Variants in CAMTA1 observed in about 807,000 individuals in gnomAD.
CAMTA1 encodes the protein calmodulin-binding transcription activator 1.
In CAMTA1, 27 loss-of-function variants were observed where a neutral mutation model predicts 170.9. That is an observed-to-expected ratio of 0.16 (90% CI 0.12 to 0.22). The LOEUF is 0.22. Ranked by LOEUF, CAMTA1 falls within the 10% of genes least tolerant of loss-of-function variation. The probability of loss-of-function intolerance (pLI) is 1.00; values close to 1 mark genes in which losing one functional copy is unlikely to be tolerated. For synonymous variants in CAMTA1, 833 were observed against 891.5 expected, an observed-to-expected ratio of 0.93 and a Z score of 1.17; for missense variants, 1,619 against 2,217.2, an observed-to-expected ratio of 0.73 and a Z score of 5.42.
At chr1:6,927,072 T>C (rs1398343826) in intron 3 of CAMTA1, among the ~76,000 whole-genome samples, 1 of 151,994 alleles carries the variant, frequency 6.6e-6, no homozygotes, top group African/African-American at 2.4e-5. Flanking sequence ...TTTTTATTTT[T>C]AGAGTGCAGT....
At chr1:7,172,956 G>A (rs1414631729) in intron 4 of CAMTA1, among the ~76,000 whole-genome samples, 1 of 152,214 alleles carries the variant, frequency 6.6e-6, no homozygotes, top group Non-Finnish European at 1.5e-5. Context: ...TAGACTCTCG[G>A]AGCTAAAATT....
At chr1:7,101,684 C>T (rs1642723039) in intron 4 of CAMTA1, among the ~76,000 whole-genome samples, 1 of 152,006 alleles carries the variant, frequency 6.6e-6, no homozygotes. Flanking sequence ...CACATGTAGA[C>T]ACATATGTGC....
intron 3 of CAMTA1, among the ~76,000 whole-genome samples, chr1:7,009,341 G>A (rs769396527): frequency 5.3e-5 from 8 of 152,182 alleles, no homozygotes; most frequent in African/African-American, 1.7e-4. Context: ...AGGCGGCATC[G>A]TGGGTGGGAA....
At chr1:6,914,873 A>G (rs901244143) in intron 3 of CAMTA1, among the ~76,000 whole-genome samples, 1 of 152,052 alleles carries the variant, frequency 6.6e-6, no homozygotes, top group Non-Finnish European at 1.5e-5. Flanking sequence ...TTTTAATCTT[A>G]ATTTATGAGC....
chr1:7,545,904 T>C (rs1278704955), intron 6 of CAMTA1, among the ~76,000 whole-genome samples: 1 of 151,906 alleles, frequency 6.6e-6, no homozygotes, highest in Admixed American at 6.6e-5. Flanking sequence ...GTTCTCATTG[T>C]TCAGCTCCCA....
chr1:7,339,487 C>T (rs2083634211), intron 5 of CAMTA1, among the ~76,000 whole-genome samples: 1 of 152,200 alleles, frequency 6.6e-6, no homozygotes, highest in Non-Finnish European at 1.5e-5. Context: ...AGGCATGTCT[C>T]CTTCTAAGCC....
intron 5 of CAMTA1, among the ~76,000 whole-genome samples, chr1:7,322,614 T>C (rs1334335253): frequency 6.6e-6 from 1 of 152,272 alleles, no homozygotes; most frequent in African/African-American, 2.4e-5. Context: ...CTGTTTCTTT[T>C]TGAGTCACAC....
At chr1:6,858,861 TG>T in intron 3 of CAMTA1, among the ~76,000 whole-genome samples, 1 of 152,270 alleles carries the variant, frequency 6.6e-6, no homozygotes, top group Non-Finnish European at 1.5e-5. Flanking sequence ...AAAAATAATA[TG>T]GATGTTTTAA....
chr1:7,598,685 C>A (rs1463036358), intron 6 of CAMTA1, among the ~76,000 whole-genome samples: 1 of 152,184 alleles, frequency 6.6e-6, no homozygotes, highest in Non-Finnish European at 1.5e-5. Flanking sequence ...TCTCTGATGG[C>A]CAGTGATGAT....
intron 3 of CAMTA1, among the ~76,000 whole-genome samples, chr1:7,073,688 A>G (rs907454265): frequency 1.3e-5 from 2 of 152,178 alleles, no homozygotes; most frequent in African/African-American, 4.8e-5. Context: ...AAGATTAAGA[A>G]TTTGCCATGG....
chr1:7,245,859 A>T (rs1274965000), intron 4 of CAMTA1, among the ~76,000 whole-genome samples: 1 of 152,130 alleles, frequency 6.6e-6, no homozygotes, highest in African/African-American at 2.4e-5. Context: ...GGGCATGTGG[A>T]AGTGAAAGAG....
At chr1:7,117,343 G>T (rs940830787) in intron 4 of CAMTA1, among the ~76,000 whole-genome samples, 1 of 152,104 alleles carries the variant, frequency 6.6e-6, no homozygotes, top group Non-Finnish European at 1.5e-5. Flanking sequence ...AGTACAGCCA[G>T]CACAGCACGT....
At chr1:7,094,452 C>T (rs1048768330) in intron 4 of CAMTA1, among the ~76,000 whole-genome samples, 1 of 152,166 alleles carries the variant, frequency 6.6e-6, no homozygotes, top group African/African-American at 2.4e-5. Flanking sequence ...TGAATTGCAC[C>T]ACTGACATTT....
intron 11 of CAMTA1, among the ~76,000 whole-genome samples, chr1:7,712,881 G>A (rs2096581591): frequency 6.6e-6 from 1 of 152,146 alleles, no homozygotes; most frequent in Non-Finnish European, 1.5e-5. Flanking sequence ...ACGTGTGCAG[G>A]GGAATTGCCC....
chr1:6,912,286 C>G (rs1280661275), intron 3 of CAMTA1, among the ~76,000 whole-genome samples: 1 of 152,224 alleles, frequency 6.6e-6, no homozygotes, highest in Non-Finnish European at 1.5e-5. Context: ...TTCCAACTGG[C>G]TGCTTCAGGA....
intron 3 of CAMTA1, among the ~76,000 whole-genome samples, chr1:6,925,905 C>T (rs1682986675): frequency 6.6e-6 from 1 of 152,172 alleles, no homozygotes; most frequent in South Asian, 2.1e-4. Context: ...GGCATGGGGC[C>T]TCCTCCCCCT....
intron 3 of CAMTA1, among the ~76,000 whole-genome samples, chr1:6,980,278 A>C (rs1694208533): frequency 6.6e-6 from 1 of 152,118 alleles, no homozygotes; most frequent in African/African-American, 2.4e-5. Flanking sequence ...GGACATCCAG[A>C]ATCCTCTGTC....
At chr1:7,703,906 G>A (rs934903741) in intron 11 of CAMTA1, among the ~76,000 whole-genome samples, 2 of 152,114 alleles carry the variant, frequency 1.3e-5, no homozygotes, top group Non-Finnish European at 2.9e-5. Flanking sequence ...CAAGTGCGCA[G>A]GGCTGGAGCT....
intron 6 of CAMTA1, among the ~76,000 whole-genome samples, chr1:7,497,336 C>T (rs1362305383): frequency 6.6e-6 from 1 of 152,192 alleles, no homozygotes; most frequent in Non-Finnish European, 1.5e-5. Context: ...GGGCCAAGCC[C>T]AGGCCCCATC....
Sources: gnomAD v4.1 joint callset for allele counts (sites outside exome capture counted in the v4.1 genomes callset) on GRCh38, gnomAD v4.1.1 for gene constraint, MANE v1.5 for transcripts, NCBI Gene and HGNC (gene_info 2026-07-23, HGNC 2026-07-21) for gene names.